Variants in FGF18 observed in about 807,000 individuals in gnomAD.
FGF18 encodes fibroblast growth factor 18.
FGF18 carries 5 observed loss-of-function variants against 23.0 expected under a neutral mutation model. That is an observed-to-expected ratio of 0.22 (90% confidence interval 0.11 to 0.46). The LOEUF (loss-of-function observed/expected upper bound fraction) is 0.46. Ranked by LOEUF, FGF18 falls within the 20% of genes least tolerant of loss-of-function variation. FGF18 has a pLI of 0.99. For missense variants in FGF18, 180 were observed against 291.6 expected, an observed-to-expected ratio of 0.62 and a Z score of 2.79; for synonymous variants, 117 against 118.9, an observed-to-expected ratio of 0.98 and a Z score of 0.10.
At position 171,440,223 on chromosome 5, in the gene FGF18, T is replaced by TGG. The variant is rs1294929361; in HGVS notation, c.250+3951_250+3952insGG. Among the ~76,000 whole-genome samples, 2 of 121,748 alleles carry TGG rather than the reference T, an allele frequency of 1.6e-5. No individual in the cohort carries two copies. Among genetic ancestry groups the TGG allele is most frequent in the Admixed American group, 7.8e-5 (1 of 12,804 alleles). 79.9% of individuals were successfully genotyped at this position (121,748 alleles called of 152,430 possible). A position where few individuals can be genotyped will look rare whatever the true frequency, so the allele number is the denominator to read the frequency against. ...CCACCTGACCTCCTTACTATGGGTG[T>TGG]GTGGGGGGGGGTGGTGCCATCGCGG... On this transcript the variant is annotated intron_variant, in intron 3 of 4. Transcript: ENST00000274625. The surrounding 1 kb of genome is among the most constrained non-coding windows in gnomAD (Gnocchi z 4.0).
chr5:171,428,608 G>A (rs762205872), intron 2 of FGF18, among the ~76,000 whole-genome samples: 8 of 152,246 alleles, frequency 5.3e-5, no homozygotes, highest in Non-Finnish European at 1.2e-4. Flanking sequence ...GCAGGGATCA[G>A]CCTGGTGGAC....
intron 2 of FGF18, among the ~76,000 whole-genome samples, chr5:171,425,313 G>A (rs916039883): frequency 7.2e-5 from 11 of 152,060 alleles, no homozygotes; most frequent in East Asian, 5.8e-4. Flanking sequence ...GTGCGATCTC[G>A]GCTAACTGCA....
intron 2 of FGF18, among the ~76,000 whole-genome samples, chr5:171,428,924 G>A (rs945485370): frequency 1.1e-4 from 17 of 152,168 alleles, no homozygotes; most frequent in Non-Finnish European, 1.9e-4. Flanking sequence ...GAGGGAGGCC[G>A]ACCCTCGGGC....
intron 2 of FGF18, among the ~76,000 whole-genome samples, chr5:171,422,470 C>T (rs1772028541): frequency 6.6e-6 from 1 of 152,186 alleles, no homozygotes; most frequent in Non-Finnish European, 1.5e-5. Context: ...CCCTGAAACA[C>T]TGCACAAAAA....
In FGF18 at chr5:171,420,435, C is replaced by G. The variant is rs1397464749; in HGVS notation, c.61C>G (p.Gln21Glu). The G allele has an allele frequency of 6.2e-7, 1 of 1,613,616 alleles. No individual in the cohort carries two copies. The change falls in exon 2 of 5, where the codon CAG (glutamine) becomes GAG (glutamate). Residue 21 changes from glutamine (Q) to glutamate (E), a missense_variant. Around this residue, in one of 3 missense-constraint regions of FGF18, gnomAD observed 57 missense variants for 59.8 expected, o/e 0.95. Transcript: ENST00000274625. ...LCLHFLLLCF[Q>E]VQVLVAEENV... ...TTTACACTTCCTGCTGCTGTGCTTC[C>G]AGGTACAGGTACGTGGGCTCCTGAC...
chr5:171,425,657 A>T (rs908272227), intron 2 of FGF18, among the ~76,000 whole-genome samples: 1 of 150,900 alleles, frequency 6.6e-6, no homozygotes, highest in Non-Finnish European at 1.5e-5. Flanking sequence ...CAGCCTCCCG[A>T]GTAGCTGGGA....
chr5:171,420,195 C>A lies in FGF18; in HGVS notation c.-5C>A, dbSNP rs772514113. On this transcript the variant is annotated 5_prime_UTR_variant, in exon 1 of 5. Coordinates refer to ENST00000274625, the MANE Select transcript of FGF18 (RefSeq NM_003862.3). ...TAGGAGCCGCCGCCTCCCTCCCGCC[C>A]AGCGATGTATTCAGCGCCCTCCGCC... The A allele has an allele frequency of 3.2e-6, 5 of 1,546,306 alleles. No homozygotes were observed. Among genetic ancestry groups the A allele is most frequent in the Non-Finnish European group, 4.3e-6 (5 of 1,150,510 alleles).
intron 3 of FGF18, among the ~76,000 whole-genome samples, chr5:171,448,416 C>G (rs1448788550): frequency 6.6e-6 from 1 of 152,186 alleles, no homozygotes; most frequent in African/African-American, 2.4e-5. Context: ...GTTAAAGGTG[C>G]CGGGGGCACT....
chr5:171,444,107 C>T (rs1772385529), intron 3 of FGF18, among the ~76,000 whole-genome samples: 1 of 152,196 alleles, frequency 6.6e-6, no homozygotes, highest in African/African-American at 2.4e-5. Context: ...ACCCTGGGGA[C>T]TCCCTCCTTC....
intron 3 of FGF18, among the ~76,000 whole-genome samples, chr5:171,445,613 G>A (rs913693126): frequency 4.6e-5 from 7 of 151,138 alleles, no homozygotes; most frequent in African/African-American, 7.4e-5. Context: ...TGATCCACCC[G>A]CCTTGGCCTC....
At chr5:171,422,886 C>T (rs893272840) in intron 2 of FGF18, among the ~76,000 whole-genome samples, 1 of 152,176 alleles carries the variant, frequency 6.6e-6, no homozygotes, top group African/African-American at 2.4e-5. Flanking sequence ...TCCCCAGAGT[C>T]TTAGCTGCAT....
chr5:171,445,800 T>G (rs1470245815), intron 3 of FGF18, among the ~76,000 whole-genome samples: 1 of 152,092 alleles, frequency 6.6e-6, no homozygotes, highest in East Asian at 1.9e-4. Context: ...AGTGAGGAAG[T>G]CTGATGAGCA....
chr5:171,442,227 C>T (rs1346720658), intron 3 of FGF18, among the ~76,000 whole-genome samples: 1 of 152,178 alleles, frequency 6.6e-6, no homozygotes, highest in Non-Finnish European at 1.5e-5. Flanking sequence ...GGAGAAAGGT[C>T]TTTGAGAAAA....
chr5:171,456,406 C>T lies in FGF18; in HGVS notation c.358-133C>T, dbSNP rs1336248997. 2.4e-6 allele frequency: 2 copies of T among 830,466 alleles called. No homozygotes were observed. Among genetic ancestry groups the T allele is most frequent in the African/African-American group, 1.7e-5 (1 of 58,262 alleles). The allele number at this position is 830,466 out of a possible 1,614,324, so 51.4% of individuals were successfully genotyped here. ...TTCAGAGTTAAGCTCAATCTCTCTC[C>T]CCCACTGCAAAACTTCATTACAGTT... On this transcript the variant is annotated intron_variant, in intron 4 of 4. Coordinates refer to ENST00000274625, the MANE Select transcript of FGF18 (RefSeq NM_003862.3). The surrounding 1 kb of genome is among the most constrained non-coding windows in gnomAD (Gnocchi z 6.1).
rs1437726715 is a variant in FGF18 at position 171,436,795 on chromosome 5, C to T, written c.250+522C>T. 6.6e-6 allele frequency among the ~76,000 whole-genome samples: 1 copy of T among 152,156 alleles called. No individual in the cohort carries two copies. Among genetic ancestry groups the T allele is most frequent in the East Asian group, 1.9e-4 (1 of 5,190 alleles). On this transcript the variant is annotated intron_variant, in intron 3 of 4. Transcript: ENST00000274625. This position sits in a 1 kb window ranked among gnomAD's most constrained non-coding sequence, Gnocchi z 4.4. The stretch of plus-strand genomic sequence containing the variant: ...TGGTCCTGTTGACCTGCCCTTGACC[C>T]TGGAACTGCCCAACCCTCCTGGAGT...
At chr5:171,433,016 C>T (rs987063800) in intron 2 of FGF18, among the ~76,000 whole-genome samples, 14 of 152,192 alleles carry the variant, frequency 9.2e-5, no homozygotes, top group Admixed American at 1.3e-4. Flanking sequence ...CGGGGTAGGA[C>T]GTGTCACACC....
At chr5:171,433,959 G>C (rs1453071253) in intron 2 of FGF18, among the ~76,000 whole-genome samples, 1 of 152,174 alleles carries the variant, frequency 6.6e-6, no homozygotes, top group Non-Finnish European at 1.5e-5. Context: ...TTTAACCTTT[G>C]CAGCCACTCA....
intron 4 of FGF18, among the ~76,000 whole-genome samples, chr5:171,449,988 G>A (rs1228088856): frequency 2.0e-5 from 3 of 151,860 alleles, no homozygotes; most frequent in Non-Finnish European, 4.4e-5. Context: ...CCAATGGAAG[G>A]TGTTATCCAC....
intron 2 of FGF18, among the ~76,000 whole-genome samples, chr5:171,421,777 T>C (rs1160923037): frequency 6.6e-6 from 1 of 151,034 alleles, no homozygotes; most frequent in Non-Finnish European, 1.5e-5. Flanking sequence ...TTCCTCCTGT[T>C]GGCCAGGCTG....
Sources: allele counts gnomAD v4.1 joint callset (sites outside exome capture counted in the v4.1 genomes callset), GRCh38; gene constraint gnomAD v4.1.1; regional missense constraint gnomAD v4.1.1; non-coding constraint Gnocchi (gnomAD v3.1); transcripts MANE v1.5; gene names NCBI Gene and HGNC (gene_info 2026-07-23, HGNC 2026-07-21).